The following CYP2J2 variants were observed in gnomAD, a reference collection of about 807,000 sequenced individuals.
The protein encoded by CYP2J2 is cytochrome P450 family 2 subfamily J member 2, also known as cytochrome P450 2J2.
Under a neutral mutation model 48.8 loss-of-function variants are expected in CYP2J2, and 41 were observed. The observed-to-expected ratio is 0.84, with a 90% CI of 0.66 to 1.09. The LOEUF (loss-of-function observed/expected upper bound fraction) is 1.09, where lower values mean the gene tolerates loss of function less well. Ranked by LOEUF, CYP2J2 falls within the 50% of genes least tolerant of loss-of-function variation. The pLI, the probability that CYP2J2 is intolerant of heterozygous loss-of-function variation, is 0.00. For synonymous variants in CYP2J2, 221 were observed against 227.1 expected (o/e 0.97, Z 0.24); for missense variants, 644 against 617.3 (o/e 1.04, Z -0.46).
the CYP2J2 span, among the ~76,000 whole-genome samples, chr1:59,952,912 G>C: frequency 6.6e-6 from 1 of 152,168 alleles, no homozygotes; most frequent in Non-Finnish European, 1.5e-5. Flanking sequence ...TGAATGGTTC[G>C]CTTTGCTTTA....
At chr1:59,927,737 T>C (rs1644580188), upstream of CYP2J2, among the ~76,000 whole-genome samples, 1 of 152,140 alleles carries the variant, frequency 6.6e-6, no homozygotes, top group South Asian at 2.1e-4. Flanking sequence ...CATGCCCGGC[T>C]AATTTTTGTA....
At chr1:59,903,277 C>T (rs182220017) in intron 7 of CYP2J2, among the ~76,000 whole-genome samples, 27 of 152,190 alleles carry the variant, frequency 1.8e-4, no homozygotes, top group African/African-American at 5.5e-4. Flanking sequence ...AATCGATCCA[C>T]GGAGGCTGAC....
chr1:59,935,650 T>A, the CYP2J2 span, among the ~76,000 whole-genome samples: 1 of 152,188 alleles, frequency 6.6e-6, no homozygotes, highest in African/African-American at 2.4e-5. Flanking sequence ...TTAAGTAAAC[T>A]ACAAAACTCT....
the CYP2J2 span, among the ~76,000 whole-genome samples, chr1:59,957,081 C>T: frequency 6.6e-6 from 1 of 152,184 alleles, no homozygotes; most frequent in Non-Finnish European, 1.5e-5. Flanking sequence ...CACTTGGGTG[C>T]TTCCAGAATT....
chr1:59,900,635 C>T (rs1644310946), intron 8 of CYP2J2, among the ~76,000 whole-genome samples: 1 of 151,458 alleles, frequency 6.6e-6, no homozygotes, highest in South Asian at 2.1e-4. Flanking sequence ...AACTTCGTAT[C>T]AAAAAAAGAA....
intron 1 of CYP2J2, among the ~76,000 whole-genome samples, chr1:59,916,484 A>C (rs1003038622): frequency 2.6e-5 from 4 of 152,246 alleles, no homozygotes; most frequent in African/African-American, 7.2e-5. Flanking sequence ...CTGTAATCCC[A>C]ACACGTTGGG....
At chr1:59,967,646 T>C in the CYP2J2 span, among the ~76,000 whole-genome samples, 1 of 152,210 alleles carries the variant, frequency 6.6e-6, no homozygotes, top group Non-Finnish European at 1.5e-5. Flanking sequence ...TTGAATGAGA[T>C]GGAAAACACA....
chr1:59,922,997 C>T (rs1403853896), intron 1 of CYP2J2, among the ~76,000 whole-genome samples: 1 of 152,208 alleles, frequency 6.6e-6, no homozygotes, highest in Non-Finnish European at 1.5e-5. Context: ...TATTCCTAAG[C>T]TGAAGTAAAG....
chr1:59,938,818 C>T, the CYP2J2 span, among the ~76,000 whole-genome samples: 1 of 152,240 alleles, frequency 6.6e-6, no homozygotes, highest in African/African-American at 2.4e-5. Context: ...AAACCTTGGA[C>T]AATACCCGGC....
intron 2 of CYP2J2, among the ~76,000 whole-genome samples, chr1:59,915,582 G>T (rs191152242): frequency 6.6e-6 from 1 of 152,298 alleles, no homozygotes; most frequent in African/African-American, 2.4e-5. Context: ...AGCAGCAGGA[G>T]GAGGAAGATC....
chr1:59,935,968 A>C, the CYP2J2 span, among the ~76,000 whole-genome samples: 2 of 152,154 alleles, frequency 1.3e-5, no homozygotes, highest in African/African-American at 4.8e-5. Flanking sequence ...TACAAAAAAA[A>C]GTTTGGCTAG....
intron 7 of CYP2J2, among the ~76,000 whole-genome samples, chr1:59,903,092 C>G (rs1469992043): frequency 6.6e-6 from 1 of 152,152 alleles, no homozygotes; most frequent in African/African-American, 2.4e-5. Context: ...GAATTTAGAC[C>G]TCAGCCTTTA....
At chr1:59,931,453 AG>A (rs1644602598), upstream of CYP2J2, among the ~76,000 whole-genome samples, 2 of 152,268 alleles carry the variant, frequency 1.3e-5, no homozygotes, top group Admixed American at 1.3e-4. Flanking sequence ...GAAGAAAAAA[AG>A]TTTGACATTG....
At position 59,926,601 on chromosome 1, in the gene CYP2J2, C is replaced by T. The variant is rs767883510; in HGVS notation, c.146G>A (p.Arg49His). ...GAAGAAGTTGCCAAGGAAGGGCAGG[C>T]GCCAGGGCCCCGGCGGGTAGTTCTT... ...RPKNYPPGPW[R>H]LPFLGNFFLV... Residue 49 changes from arginine to histidine, a missense_variant, in exon 1 of 9, where the codon CGC becomes CAC. Coordinates refer to ENST00000371204, the MANE Select transcript of CYP2J2 (RefSeq NM_000775.4). 1 of 1,614,114 alleles carries T rather than the reference C, an allele frequency of 6.2e-7. No homozygotes were observed. The highest frequency in any genetic ancestry group is 1.7e-5 in the Admixed American group (1 of 60,008).
chr1:59,968,005 T>C, the CYP2J2 span, among the ~76,000 whole-genome samples: 6 of 152,114 alleles, frequency 3.9e-5, no homozygotes, highest in African/African-American at 9.7e-5. Context: ...AAAGCTTCTA[T>C]TGCAAGAATT....
At chr1:59,936,758 C>G in the CYP2J2 span, among the ~76,000 whole-genome samples, 1,699 of 152,274 alleles carry the variant, frequency 0.011, 25 homozygotes, top group African/African-American at 0.039. Context: ...CACTGTCCCA[C>G]GACATGGGAT....
chr1:59,940,296 C>A, the CYP2J2 span, among the ~76,000 whole-genome samples: 2 of 152,138 alleles, frequency 1.3e-5, no homozygotes, highest in Admixed American at 6.5e-5. Flanking sequence ...AGTGATGACT[C>A]CTGGACTGGA....
At chr1:59,931,747 TA>T (rs1483640796), upstream of CYP2J2, among the ~76,000 whole-genome samples, 2 of 152,080 alleles carry the variant, frequency 1.3e-5, no homozygotes, top group Non-Finnish European at 1.5e-5. Flanking sequence ...CATATTAACA[TA>T]AAATCTAGCT....
the CYP2J2 span, among the ~76,000 whole-genome samples, chr1:59,934,897 C>G: frequency 6.7e-6 from 1 of 149,404 alleles, no homozygotes; most frequent in Non-Finnish European, 1.5e-5. Context: ...GAGATAACTG[C>G]ATTGCTATAT....
Sources: gnomAD v4.1 joint callset for allele counts (sites outside exome capture counted in the v4.1 genomes callset) on GRCh38, gnomAD v4.1.1 for gene constraint, MANE v1.5 for transcripts, NCBI Gene and HGNC (gene_info 2026-07-23, HGNC 2026-07-21) for gene names.